TENM2: variants seen among roughly 807,000 people sequenced by gnomAD.
The protein encoded by TENM2 is teneurin-2.
TENM2 carries 52 observed loss-of-function variants against 245.2 expected under a neutral mutation model. The ratio of observed to expected loss-of-function variants is 0.21; its 90% CI spans 0.17 to 0.27. TENM2 has a LOEUF of 0.27. Among genes scored for constraint, TENM2 ranks in the 10% least tolerant of loss-of-function variants. The probability of loss-of-function intolerance (pLI) is 1.00; values close to 1 mark genes in which losing one functional copy is unlikely to be tolerated. For missense variants in TENM2, 3,046 were observed against 3,666.8 expected, an observed-to-expected ratio of 0.83 and a Z score of 4.37; for synonymous variants, 1,363 against 1,438.9, an observed-to-expected ratio of 0.95 and a Z score of 1.19.
At chr5:167,428,840 A>C (rs1016721426) in intron 2 of TENM2, among the ~76,000 whole-genome samples, 4 of 152,136 alleles carry the variant, frequency 2.6e-5, no homozygotes, top group African/African-American at 9.7e-5. Context: ...TCTCTTTCTT[A>C]ACAGTGGTCA....
chr5:168,015,381 A>C (rs1003605074), intron 5 of TENM2, among the ~76,000 whole-genome samples: 5 of 152,220 alleles, frequency 3.3e-5, no homozygotes, highest in Admixed American at 2.0e-4. Flanking sequence ...CAAGGCTAGC[A>C]AACAGCAGGT....
intron 2 of TENM2, among the ~76,000 whole-genome samples, chr5:167,795,587 G>GA (rs1407435044): frequency 1.3e-5 from 2 of 151,910 alleles, no homozygotes; most frequent in Admixed American, 6.6e-5. Context: ...GCAAAGGGGA[G>GA]AAAAAAGTCT....
At chr5:167,529,116 T>C (rs1200326817) in intron 2 of TENM2, among the ~76,000 whole-genome samples, 1 of 152,202 alleles carries the variant, frequency 6.6e-6, no homozygotes, top group African/African-American at 2.4e-5. Context: ...GAGAACTCTT[T>C]TCTCTTCTTC....
At chr5:168,080,712 T>C (rs1335891903) in intron 7 of TENM2, among the ~76,000 whole-genome samples, 2 of 151,396 alleles carry the variant, frequency 1.3e-5, no homozygotes, top group East Asian at 3.8e-4. Flanking sequence ...CAGGAGCAGG[T>C]TGTTCAGTTT....
chr5:167,518,410 G>A (rs555413780), intron 2 of TENM2, among the ~76,000 whole-genome samples: 1 of 152,212 alleles, frequency 6.6e-6, no homozygotes, highest in East Asian at 1.9e-4. Context: ...GAGAAATTAT[G>A]TTAATGACTG....
the TENM2 span, among the ~76,000 whole-genome samples, chr5:167,034,531 G>A: frequency 4.7e-5 from 7 of 150,102 alleles, no homozygotes; most frequent in East Asian, 1.4e-3. Flanking sequence ...TCGGGAGGCT[G>A]AGGCAGGAGA....
intron 7 of TENM2, among the ~76,000 whole-genome samples, chr5:168,072,421 C>G (rs888117849): frequency 6.6e-6 from 1 of 152,134 alleles, no homozygotes; most frequent in Non-Finnish European, 1.5e-5. Flanking sequence ...AGGGCATGAC[C>G]TCGTGAGAAG....
intron 2 of TENM2, among the ~76,000 whole-genome samples, chr5:167,383,270 A>G (rs1761200260): frequency 6.6e-6 from 1 of 152,156 alleles, no homozygotes; most frequent in South Asian, 2.1e-4. Context: ...TGTAGCATAT[A>G]GTTTTGGGGG....
chr5:167,989,296 G>T (rs560162934), intron 4 of TENM2, among the ~76,000 whole-genome samples: 2 of 142,556 alleles, frequency 1.4e-5, no homozygotes. Context: ...GAGAGAGAGA[G>T]AGAGATAGAT....
chr5:168,062,156 C>T (rs1285986110), exon 7 of TENM2: 2 of 1,613,246 alleles, frequency 1.2e-6, no homozygotes, highest in East Asian at 2.2e-5. Flanking sequence ...TTTTGGAGGT[C>T]ACAAATTCAC....
At chr5:167,900,138 G>C (rs1434048981) in intron 3 of TENM2, among the ~76,000 whole-genome samples, 2 of 114,270 alleles carry the variant, frequency 1.8e-5, no homozygotes, top group African/African-American at 4.3e-5. Context: ...AAAAAAGGGG[G>C]GGGGGGTTTT....
chr5:167,881,641 G>A (rs887327827), intron 3 of TENM2, among the ~76,000 whole-genome samples: 9 of 152,154 alleles, frequency 5.9e-5, no homozygotes, highest in Admixed American at 2.6e-4. Flanking sequence ...TGGATGTCTG[G>A]TTCAGACATT....
intron 5 of TENM2, among the ~76,000 whole-genome samples, chr5:168,033,831 A>G (rs1230686388): frequency 6.6e-6 from 1 of 151,980 alleles, no homozygotes; most frequent in Non-Finnish European, 1.5e-5. Context: ...GTTCGAGACC[A>G]GCCTGACCAA....
At chr5:168,140,754 C>A (rs551590089) in intron 12 of TENM2, among the ~76,000 whole-genome samples, 2 of 152,204 alleles carry the variant, frequency 1.3e-5, no homozygotes, top group Non-Finnish European at 2.9e-5. Flanking sequence ...ATTTGTGCTG[C>A]TTGGGAACCC....
the TENM2 span, among the ~76,000 whole-genome samples, chr5:167,097,948 T>C: frequency 6.6e-6 from 1 of 152,356 alleles, no homozygotes; most frequent in East Asian, 1.9e-4. Flanking sequence ...ACTGGTATTG[T>C]GGTTACAGTG....
the TENM2 span, among the ~76,000 whole-genome samples, chr5:167,066,000 C>A: frequency 6.6e-6 from 1 of 152,102 alleles, no homozygotes; most frequent in African/African-American, 2.4e-5. Context: ...GTTGATGAAC[C>A]ATTAAGTGGT....
the TENM2 span, among the ~76,000 whole-genome samples, chr5:167,197,329 A>G: frequency 6.6e-6 from 1 of 152,086 alleles, no homozygotes; most frequent in Non-Finnish European, 1.5e-5. Flanking sequence ...ATTTCTGATG[A>G]TGGACAGTCA....
At chr5:167,491,393 A>G (rs920937714) in intron 2 of TENM2, among the ~76,000 whole-genome samples, 1 of 151,550 alleles carries the variant, frequency 6.6e-6, no homozygotes, top group Admixed American at 6.6e-5. Flanking sequence ...TGGTGCTAAA[A>G]GCTTGTTCTT....
At chr5:168,214,359 C>T (rs768836242) in intron 20 of TENM2, among the ~76,000 whole-genome samples, 4 of 152,232 alleles carry the variant, frequency 2.6e-5, no homozygotes, top group South Asian at 2.1e-4. Flanking sequence ...CCGTGGCTCA[C>T]GCCTGTGACC....
Sources: gnomAD v4.1 joint callset for allele counts (sites outside exome capture counted in the v4.1 genomes callset) on GRCh38, gnomAD v4.1.1 for gene constraint, MANE v1.5 for transcripts, NCBI Gene and HGNC (gene_info 2026-07-23, HGNC 2026-07-21) for gene names.